Variants in ZCCHC2 observed in about 807,000 individuals in gnomAD.
ZCCHC2 encodes the protein zinc finger CCHC domain-containing protein 2.
In ZCCHC2, 39 loss-of-function variants were observed where a neutral mutation model predicts 103.6. That is an observed-to-expected ratio of 0.38 (90% CI 0.29 to 0.49). The LOEUF (loss-of-function observed/expected upper bound fraction) is 0.49. ZCCHC2 is among the 20% of genes least tolerant of loss of function. The pLI is 0.96. For missense variants in ZCCHC2, 1,483 were observed against 1,491.0 expected, an observed-to-expected ratio of 0.99 and a Z score of 0.09; for synonymous variants, 687 against 608.9, an observed-to-expected ratio of 1.13 and a Z score of -1.89.
intron 5 of ZCCHC2, among the ~76,000 whole-genome samples, chr18:62,555,747 G>C (rs1481205695): frequency 1.3e-5 from 2 of 152,076 alleles, no homozygotes; most frequent in African/African-American, 4.8e-5. Context: ...GGCGGAGGTT[G>C]CAGTGAGCTG....
At chr18:62,528,695 G>C (rs1914548597) in intron 1 of ZCCHC2, among the ~76,000 whole-genome samples, 1 of 152,026 alleles carries the variant, frequency 6.6e-6, no homozygotes, top group Non-Finnish European at 1.5e-5. Context: ...TCGCAATATA[G>C]GAAACATACT....
chr18:62,549,355 A>G (rs746199842), intron 4 of ZCCHC2, among the ~76,000 whole-genome samples: 2 of 152,244 alleles, frequency 1.3e-5, no homozygotes, highest in Admixed American at 1.3e-4. Context: ...TTGATCTTGC[A>G]ATCTACTGTA....
Position 62,564,634 on chromosome 18 carries a change from A to T in ZCCHC2, c.1750A>T (p.Lys584Ter). 6.5e-7 allele frequency: 1 copy of T among 1,541,252 alleles called. No homozygotes were observed. The change falls in exon 10 of 14, where the codon AAG (lysine) becomes TAG (stop). Residue 584 changes from lysine (K) to a stop codon, truncating the protein, a stop_gained and splice_region_variant. Coordinates refer to ENST00000269499, the MANE Select transcript of ZCCHC2 (RefSeq NM_017742.6). LOFTEE classifies it high-confidence loss of function. ...NKKKGKPQTE[K>*]EKIKKTDNRL... is the part of the protein sequence containing the mutation. ...GAAGAAAGGAAAGCCACAAACAGAA[A>T]AGTAGGTTCAATTTAAGGAAAGACA...
At chr18:62,526,388 AGTT>A (rs1203672018) in intron 1 of ZCCHC2, 1 of 152,286 alleles carries the variant, frequency 6.6e-6, no homozygotes, top group African/African-American at 2.4e-5. Flanking sequence ...CTTCTCCAGC[AGTT>A]GTTTAGGGTT....
chr18:62,526,891 A>G (rs374725209), intron 1 of ZCCHC2: 9 of 150,510 alleles, frequency 6.0e-5, no homozygotes, highest in East Asian at 2.0e-4. Flanking sequence ...CGCGGAGGCC[A>G]GGCTTTGGGC....
At chr18:62,586,601 C>A (rs1042996571) in exon 15 of ZCCHC2, 2 of 151,996 alleles carry the variant, frequency 1.3e-5, no homozygotes, top group Non-Finnish European at 1.5e-5. Context: ...CAACCCACCA[C>A]CGACAAGCTA....
chr18:62,567,541 C>G (rs1916419015), intron 11 of ZCCHC2, among the ~76,000 whole-genome samples: 1 of 152,206 alleles, frequency 6.6e-6, no homozygotes. Flanking sequence ...AGGACGCAGT[C>G]AGCGCCGTCA....
At chr18:62,556,827 G>A (rs1700168680) in intron 6 of ZCCHC2, among the ~76,000 whole-genome samples, 1 of 152,130 alleles carries the variant, frequency 6.6e-6, no homozygotes, top group Non-Finnish European at 1.5e-5. Context: ...GACTATTAAA[G>A]GTAAACCCTC....
Position 62,576,575 on chromosome 18 carries a change from A to C in ZCCHC2, c.3533A>C (p.Asp1178Ala), listed in dbSNP as rs749014514. The change falls in exon 14 of 14, where the codon GAC becomes GCC. Residue 1178 changes from aspartate to alanine, a missense_variant. Asp to Ala is a moderately radical substitution (Grantham distance 126). This residue lies in a region of ZCCHC2 where 884 missense variants were observed against 907.5 expected (regional missense o/e 0.97). Transcript: ENST00000269499. ...TCTAATGATACGTTGGATTCTGCAG[A>C]CTGAAACGAGTAAAGCTTGCCTACT... ...PPSNDTLDSA[D>A] The C allele has an allele frequency of 2.5e-6, 4 of 1,613,584 alleles. No individual in the cohort carries two copies. Among genetic ancestry groups the C allele is most frequent in the Non-Finnish European group, 3.4e-6 (4 of 1,179,594 alleles).
chr18:62,551,923 G>GGT (rs1915680225), intron 5 of ZCCHC2: 1 of 152,186 alleles, frequency 6.6e-6, no homozygotes, highest in African/African-American at 2.4e-5. Flanking sequence ...GATTTCCTGA[G>GGT]GTAGAGCAGA....
chr18:62,523,775 G>T lies in ZCCHC2; in HGVS notation c.351G>T (p.Gly117=), dbSNP rs1914188703. ...CGCAGCGCCTGGAGTTCATGTGCGG[G>T]CTGCTGGACCTGTGCAACCCGCTGG... ...GSAQRLEFMC[G]LLDLCNPLEL... is the part of the protein sequence containing the mutation. Residue 117 remains glycine, a synonymous_variant, in exon 1 of 14, where the codon GGG becomes GGT. Transcript: ENST00000269499. 6.5e-7 allele frequency: 1 copy of T among 1,537,308 alleles called. No homozygotes were observed. The highest frequency in any genetic ancestry group is 8.7e-7 in the Non-Finnish European group (1 of 1,145,678).
chr18:62,565,196 T>C (rs1396323903), intron 11 of ZCCHC2, 100 bp downstream of exon 11: 1 of 849,642 alleles, frequency 1.2e-6, no homozygotes. Flanking sequence ...CAAATCCTAA[T>C]ACTATAAGTT....
intron 1 of ZCCHC2, among the ~76,000 whole-genome samples, chr18:62,530,199 T>C (rs1276269879): frequency 6.6e-6 from 1 of 152,150 alleles, no homozygotes; most frequent in Non-Finnish European, 1.5e-5. Flanking sequence ...AAGAGTGTCA[T>C]AGAGGCTATG....
chr18:62,583,287 G>A (rs560856565), downstream of ZCCHC2, among the ~76,000 whole-genome samples: 156 of 152,296 alleles, frequency 1.0e-3, 1 homozygote, highest in South Asian at 0.014. Flanking sequence ...ATTAAACCTA[G>A]TTGGAAAGCT....
intron 9 of ZCCHC2, among the ~76,000 whole-genome samples, chr18:62,564,036 T>C (rs1220222904): frequency 6.6e-6 from 1 of 152,224 alleles, no homozygotes; most frequent in East Asian, 1.9e-4. Flanking sequence ...AACCCGATGT[T>C]GTCCCTGGCC....
intron 4 of ZCCHC2, among the ~76,000 whole-genome samples, chr18:62,547,688 A>G (rs1298589355): frequency 6.6e-6 from 1 of 151,870 alleles, no homozygotes; most frequent in East Asian, 1.9e-4. Flanking sequence ...CAGCCTTCCA[A>G]GTAGCTGGGA....
chr18:62,523,376 G>GGGGGGGCCGC lies in ZCCHC2; in HGVS notation c.-49_-48insGGGGGGCCGC. 3.0e-6 allele frequency: 3 copies of GGGGGGGCCGC among 1,012,350 alleles called. No homozygotes were observed. Among genetic ancestry groups the GGGGGGGCCGC allele is most frequent in the Non-Finnish European group, 3.5e-6 (3 of 848,986 alleles). The allele number at this position is 1,012,350 out of a possible 1,614,324, so 62.7% of individuals were successfully genotyped here. A position where few individuals can be genotyped will look rare whatever the true frequency, so the allele number is the denominator to read the frequency against. On this transcript the variant is annotated 5_prime_UTR_variant, in exon 1 of 14. Coordinates refer to ENST00000269499, the MANE Select transcript of ZCCHC2 (RefSeq NM_017742.6). ...GCCTCGGCCCGTGCTCCACCTCGCG[G>GGGGGGGCCGC]CCCCTCCCGCCCGCCCCCGCTCGCA...
intron 1 of ZCCHC2, among the ~76,000 whole-genome samples, chr18:62,529,771 A>G (rs967910166): frequency 6.6e-6 from 1 of 152,184 alleles, no homozygotes; most frequent in Non-Finnish European, 1.5e-5. Flanking sequence ...GAGGAAGTAC[A>G]TTCTTTCTCT....
At chr18:62,574,029 A>G (rs766745431) in intron 12 of ZCCHC2, 28 bp from the exon 13 acceptor site, 2 of 1,589,474 alleles carry the variant, frequency 1.3e-6, no homozygotes, top group Admixed American at 1.8e-5. Flanking sequence ...TGCCCGTGTT[A>G]ATATCTCTTT....
Sources: gnomAD v4.1 joint callset for allele counts (sites outside exome capture counted in the v4.1 genomes callset) on GRCh38, gnomAD v4.1.1 for gene constraint, gnomAD v4.1.1 regional missense constraint, MANE v1.5 for transcripts, NCBI Gene and HGNC (gene_info 2026-07-23, HGNC 2026-07-21) for gene names.